Variants in CACUL1 observed in about 807,000 individuals in gnomAD.
The protein encoded by CACUL1 is CDK2-associated and cullin domain-containing protein 1.
In CACUL1, 13 loss-of-function variants were observed where a neutral mutation model predicts 45.2. The ratio of observed to expected loss-of-function variants is 0.29; its 90% CI spans 0.19 to 0.46. The LOEUF (loss-of-function observed/expected upper bound fraction) is 0.46, where lower values mean the gene tolerates loss of function less well. Ranked by LOEUF, CACUL1 falls within the 20% of genes least tolerant of loss-of-function variation. CACUL1 has a pLI of 1.00. For missense variants in CACUL1, 421 were observed against 471.4 expected, an observed-to-expected ratio of 0.89 and a Z score of 0.99; for synonymous variants, 197 against 174.2, an observed-to-expected ratio of 1.13 and a Z score of -1.03.
chr10:118,740,771 A>C (rs1845784583), intron 1 of CACUL1, among the ~76,000 whole-genome samples: 1 of 151,722 alleles, frequency 6.6e-6, no homozygotes, highest in Non-Finnish European at 1.5e-5. Flanking sequence ...CTAAAAATAC[A>C]AAAAATTAGC....
intron 3 of CACUL1, among the ~76,000 whole-genome samples, chr10:118,708,614 A>C (rs1161616651): frequency 2.0e-5 from 3 of 152,184 alleles, no homozygotes. Context: ...CTAAACCCCT[A>C]GTACTGCCAT....
At chr10:118,751,107 C>T (rs1231145394) in intron 1 of CACUL1, among the ~76,000 whole-genome samples, 2 of 152,042 alleles carry the variant, frequency 1.3e-5, no homozygotes, top group Non-Finnish European at 2.9e-5. Context: ...TATCCTTTGC[C>T]TATTTTTCTA....
chr10:118,743,643 C>T (rs1845812708), intron 1 of CACUL1, among the ~76,000 whole-genome samples: 1 of 152,014 alleles, frequency 6.6e-6, no homozygotes, highest in Non-Finnish European at 1.5e-5. Flanking sequence ...GCAGGAGAAT[C>T]ACTTGAACCC....
In CACUL1 at chr10:118,684,347, A is replaced by G. The variant is rs760562261; in HGVS notation, c.*1781T>C. ...TTGGTAAGCCTGAAGCAAGCATTCC[A>G]TTGAGAAAAGTAAAATGTGAATGTC... On this transcript the variant is annotated 3_prime_UTR_variant, in exon 9 of 9. Transcript: ENST00000369151. The G allele has an allele frequency of 6.6e-6, 1 of 152,380 alleles. No individual in the cohort carries two copies. Among genetic ancestry groups the G allele is most frequent in the Non-Finnish European group, 1.5e-5 (1 of 68,026 alleles). The allele number at this position is 152,380 out of a possible 1,614,324, so 9.4% of individuals were successfully genotyped here.
chr10:118,684,821 T>A lies in CACUL1; in HGVS notation c.*1307A>T, dbSNP rs1308681160. The A allele has an allele frequency of 6.6e-6, 1 of 152,236 alleles. No homozygotes were observed. Among genetic ancestry groups the A allele is most frequent in the Admixed American group, 6.5e-5 (1 of 15,292 alleles). 9.4% of individuals were successfully genotyped at this position (152,236 alleles called of 1,614,324 possible). A position where few individuals can be genotyped will look rare whatever the true frequency, so the allele number is the denominator to read the frequency against. ...AGAGGTAAATACTATTAGTCTGATG[T>A]TGCCTAGTAGAGAAGCCTATGCTCA... On this transcript the variant is annotated 3_prime_UTR_variant, in exon 9 of 9. Coordinates refer to ENST00000369151, the MANE Select transcript of CACUL1 (RefSeq NM_153810.5).
chr10:118,731,905 T>C (rs963184381), intron 1 of CACUL1, among the ~76,000 whole-genome samples: 1 of 152,144 alleles, frequency 6.6e-6, no homozygotes, highest in Admixed American at 6.5e-5. Flanking sequence ...GAATTACAAA[T>C]GAATCACATA....
At chr10:118,693,512 G>A (rs953489933) in intron 6 of CACUL1, 3 of 281,336 alleles carry the variant, frequency 1.1e-5, no homozygotes, top group Non-Finnish European at 2.2e-5. Flanking sequence ...CTTGAACCTG[G>A]ATAAAATAGC....
rs377545982 is a variant in CACUL1, at chr10:118,754,897, G to T, written c.-135C>A. 4.4e-5 allele frequency: 55 copies of T among 1,254,682 alleles called. No homozygotes were observed. Among genetic ancestry groups the T allele is most frequent in the East Asian group, 2.5e-4 (9 of 36,454 alleles). The allele number at this position is 1,254,682 out of a possible 1,614,324, so 77.7% of individuals were successfully genotyped here. A position where few individuals can be genotyped will look rare whatever the true frequency, so the allele number is the denominator to read the frequency against. ...GGCGCAGCGGAGAGGGCTGCGGTGC[G>T]CAGGGTCTCTCGCTCTCCGCGGGGC... On this transcript the variant is annotated 5_prime_UTR_variant, in exon 1 of 9. Transcript: ENST00000369151.
intron 1 of CACUL1, among the ~76,000 whole-genome samples, chr10:118,746,494 A>G (rs1396057588): frequency 6.6e-6 from 1 of 152,198 alleles, no homozygotes; most frequent in Non-Finnish European, 1.5e-5. Flanking sequence ...AAAAGCTAAA[A>G]CCATAAAACT....
chr10:118,706,576 T>C (rs1845434193), intron 4 of CACUL1, among the ~76,000 whole-genome samples: 1 of 152,222 alleles, frequency 6.6e-6, no homozygotes, highest in Admixed American at 6.5e-5. Context: ...TATTTTTCCT[T>C]AGTTTCATGA....
intron 1 of CACUL1, among the ~76,000 whole-genome samples, chr10:118,743,826 T>A (rs1361192058): frequency 6.6e-6 from 1 of 152,144 alleles, no homozygotes; most frequent in Non-Finnish European, 1.5e-5. Context: ...TATCTAGAAT[T>A]CTATATCCAG....
At chr10:118,690,170 G>A (rs531061521) in intron 7 of CACUL1, among the ~76,000 whole-genome samples, 12 of 151,940 alleles carry the variant, frequency 7.9e-5, no homozygotes, top group Admixed American at 2.6e-4. Context: ...GCGCGGTGGC[G>A]GGCGCCTGTA....
chr10:118,702,606 A>T lies in CACUL1; in HGVS notation c.694-1198T>A, dbSNP rs1361764040. ...TTTCTTTTTTTTTTTTTTGAGACAG[A>T]GTTTTGTTCTTGTTGCCCAGGCTGG... On this transcript the variant is annotated intron_variant, in intron 4 of 8. Transcript: ENST00000369151. 2.8e-5 allele frequency among the ~76,000 whole-genome samples: 4 copies of T among 145,282 alleles called. No homozygotes were observed. In the East Asian group the frequency reaches 6.0e-4, roughly 22 times the overall value.
intron 1 of CACUL1, among the ~76,000 whole-genome samples, chr10:118,736,502 C>T (rs1845742313): frequency 6.6e-6 from 1 of 151,906 alleles, no homozygotes; most frequent in Non-Finnish European, 1.5e-5. Context: ...CCTCCCAACT[C>T]AACCTCCAGA....
intron 7 of CACUL1, among the ~76,000 whole-genome samples, chr10:118,689,839 C>G (rs925656487): frequency 2.6e-5 from 4 of 152,176 alleles, no homozygotes; most frequent in Admixed American, 6.5e-5. Context: ...TATTCCTATA[C>G]TGCTTCACAA....
Position 118,695,297 on chromosome 10 carries a change from T to C in CACUL1, c.797-67A>G. 6 of 901,432 alleles carry C rather than the reference T, an allele frequency of 6.7e-6. No homozygotes were observed. In the South Asian group the frequency reaches 7.9e-5, roughly 12 times the overall value. The allele number at this position is 901,432 out of a possible 1,614,324, so 55.8% of individuals were successfully genotyped here. Reference sequence around the variant, plus strand: ...GACTGTCAAGATTTCTCTATTACTGTTTCTCCCAAAGACTCCTGAAACATA... The same window carrying C: ...GACTGTCAAGATTTCTCTATTACTGCTTCTCCCAAAGACTCCTGAAACATA... On this transcript the variant is annotated intron_variant, in intron 5 of 8. Transcript: ENST00000369151.
intron 5 of CACUL1, among the ~76,000 whole-genome samples, chr10:118,697,799 T>A (rs1845337095): frequency 6.6e-6 from 1 of 152,250 alleles, no homozygotes; most frequent in African/African-American, 2.4e-5. Flanking sequence ...TCCCAGGAAA[T>A]TTTCTATCAT....
chr10:118,704,764 G>A (rs901330518), intron 4 of CACUL1, among the ~76,000 whole-genome samples: 30 of 152,286 alleles, frequency 2.0e-4, no homozygotes, highest in African/African-American at 6.3e-4. Context: ...GTGGGGGTGG[G>A]GGGAGCACCC....
At chr10:118,720,414 T>C (rs1240028549) in intron 3 of CACUL1, among the ~76,000 whole-genome samples, 2 of 152,332 alleles carry the variant, frequency 1.3e-5, no homozygotes, top group South Asian at 4.1e-4. Context: ...CTTACACCTA[T>C]TTGCTATTAT....
Sources: gnomAD v4.1 joint callset for allele counts (sites outside exome capture counted in the v4.1 genomes callset) on GRCh38, gnomAD v4.1.1 for gene constraint, MANE v1.5 for transcripts, NCBI Gene and HGNC (gene_info 2026-07-23, HGNC 2026-07-21) for gene names.